MYRFL: variants seen among roughly 807,000 people sequenced by gnomAD.
The protein encoded by MYRFL is myelin regulatory factor like.
MYRFL carries 88 observed loss-of-function variants against 109.4 expected under a neutral mutation model. The observed-to-expected ratio is 0.80, with a 90% CI of 0.68 to 0.96. MYRFL has a LOEUF of 0.96. MYRFL is among the 40% of genes least tolerant of loss of function. MYRFL has a pLI of 0.00. For missense variants in MYRFL, 957 were observed against 954.9 expected, an observed-to-expected ratio of 1.00 and a Z score of -0.03; for synonymous variants, 324 against 320.9, an observed-to-expected ratio of 1.01 and a Z score of -0.10.
chr12:69,905,126 G>C (rs938557037), intron 11 of MYRFL, among the ~76,000 whole-genome samples: 2 of 152,178 alleles, frequency 1.3e-5, no homozygotes, highest in Non-Finnish European at 2.9e-5. Flanking sequence ...ACTTTAGAGA[G>C]AGATCATCTG....
intron 2 of MYRFL, among the ~76,000 whole-genome samples, chr12:69,861,149 G>T (rs915405134): frequency 6.6e-6 from 1 of 150,864 alleles, no homozygotes; most frequent in African/African-American, 2.4e-5. Flanking sequence ...GTCTATCATT[G>T]TTGGACATTT....
At position 69,917,244 on chromosome 12, in the gene MYRFL, T is replaced by A. The variant is rs138434734; in HGVS notation, c.1602+6314T>A. 1.6e-4 allele frequency among the ~76,000 whole-genome samples: 24 copies of A among 152,294 alleles called. 1 individual carries two copies. The East Asian group carries it at 4.4e-3, about 28-fold the overall frequency. On this transcript the variant is annotated intron_variant, in intron 13 of 24. Transcript: ENST00000552032. ...ATGTGTAGTGCCATTGCTCTAATTT[T>A]AAAAAGGGGCCTCCTCTGGCTGCTG...
intron 1 of MYRFL, among the ~76,000 whole-genome samples, chr12:69,842,008 A>T (rs1180441219): frequency 1.3e-4 from 20 of 152,204 alleles, no homozygotes; most frequent in Admixed American, 1.3e-3. Context: ...AGGCTAGCTA[A>T]CTTATCCTGG....
chr12:69,827,503 C>G (rs1882355926), intron 1 of MYRFL, among the ~76,000 whole-genome samples: 1 of 151,898 alleles, frequency 6.6e-6, no homozygotes, highest in Non-Finnish European at 1.5e-5. Context: ...AGAAGAGGCG[C>G]AATCAGGCAC....
chr12:69,860,275 T>A (rs1884562534), intron 2 of MYRFL, among the ~76,000 whole-genome samples: 1 of 152,224 alleles, frequency 6.6e-6, no homozygotes, highest in African/African-American at 2.4e-5. Context: ...GCAAAGGACA[T>A]GATCTCATTC....
intron 10 of MYRFL, among the ~76,000 whole-genome samples, chr12:69,897,576 TGA>T (rs971628238): frequency 2.0e-5 from 3 of 152,334 alleles, no homozygotes; most frequent in Admixed American, 6.5e-5. Context: ...GTGTTGAGGT[TGA>T]GAGACTCTGG....
At chr12:69,856,957 G>C (rs1355195505) in intron 2 of MYRFL, among the ~76,000 whole-genome samples, 1 of 151,834 alleles carries the variant, frequency 6.6e-6, no homozygotes, top group East Asian at 1.9e-4. Context: ...AAGAAGTATA[G>C]ACTTTACCTA....
At chr12:69,956,113 C>A (rs1956088577) in intron 22 of MYRFL, among the ~76,000 whole-genome samples, 1 of 151,900 alleles carries the variant, frequency 6.6e-6, no homozygotes, top group Non-Finnish European at 1.5e-5. Flanking sequence ...TCACAGCAAC[C>A]CTCCCAGGTT....
rs1181803257 is a variant in MYRFL, at chr12:69,927,768, A to G, written c.1830+20A>G. ...AACAAGGTAAATAGACACATTTACA[A>G]TGAAAGGAAATGATGTTTTCTACTT... On this transcript the variant is annotated intron_variant, in intron 15 of 24. Transcript: ENST00000552032. 2.7e-6 allele frequency: 4 copies of G among 1,504,530 alleles called. No homozygotes were observed. The highest frequency in any genetic ancestry group is 4.9e-5 in the East Asian group (2 of 40,772). The allele number at this position is 1,504,530 out of a possible 1,614,324, so 93.2% of individuals were successfully genotyped here. A position where few individuals can be genotyped will look rare whatever the true frequency, so the allele number is the denominator to read the frequency against.
chr12:69,877,942 T>A (rs1182519005), intron 2 of MYRFL, among the ~76,000 whole-genome samples: 1 of 152,208 alleles, frequency 6.6e-6, no homozygotes, highest in Non-Finnish European at 1.5e-5. Context: ...ACACATTTTT[T>A]TAAAAATAAA....
At chr12:69,952,690 T>G in intron 20 of MYRFL, 109 bp from the exon 21 acceptor site, 1 of 751,704 alleles carries the variant, frequency 1.3e-6, no homozygotes, top group Non-Finnish European at 2.1e-6. Context: ...TCTCTTGACC[T>G]GGGAAACTCT....
chr12:69,918,909 G>A (rs1281240998), intron 13 of MYRFL, among the ~76,000 whole-genome samples: 1 of 152,134 alleles, frequency 6.6e-6, no homozygotes, highest in Non-Finnish European at 1.5e-5. Context: ...TTAAGAGACT[G>A]ACAATTATTT....
At chr12:69,892,061 T>C (rs1357121813) in intron 7 of MYRFL, among the ~76,000 whole-genome samples, 1 of 152,240 alleles carries the variant, frequency 6.6e-6, no homozygotes, top group African/African-American at 2.4e-5. Context: ...TGAATACTCT[T>C]GCAATTCTTT....
intron 10 of MYRFL, among the ~76,000 whole-genome samples, chr12:69,897,717 A>G (rs1188434371): frequency 6.6e-6 from 1 of 152,212 alleles, no homozygotes; most frequent in Non-Finnish European, 1.5e-5. Context: ...TAACTAATCC[A>G]TGATCTCATG....
chr12:69,830,438 T>A (rs1882559973), intron 1 of MYRFL, among the ~76,000 whole-genome samples: 1 of 150,072 alleles, frequency 6.7e-6, no homozygotes, highest in Non-Finnish European at 1.5e-5. Flanking sequence ...ATATTATAGA[T>A]AATATAGAGA....
At chr12:69,952,056 GT>G in intron 19 of MYRFL, 56 bp from the exon 20 acceptor site, 1 of 1,459,244 alleles carries the variant, frequency 6.9e-7, no homozygotes. Flanking sequence ...CACACATGGG[GT>G]TTCTTCTCTT....
At chr12:69,843,141 A>G (rs1883341012) in intron 1 of MYRFL, among the ~76,000 whole-genome samples, 1 of 152,210 alleles carries the variant, frequency 6.6e-6, no homozygotes, top group Admixed American at 6.5e-5. Flanking sequence ...TATTCTAAGC[A>G]AATGAGAGAA....
At chr12:69,849,063 G>C (rs1883730771) in intron 1 of MYRFL, among the ~76,000 whole-genome samples, 1 of 152,100 alleles carries the variant, frequency 6.6e-6, no homozygotes, top group Non-Finnish European at 1.5e-5. Context: ...GTAGAGACAG[G>C]GTTTCACCAT....
At chr12:69,830,269 A>T (rs563239582) in intron 1 of MYRFL, among the ~76,000 whole-genome samples, 2 of 151,208 alleles carry the variant, frequency 1.3e-5, no homozygotes, top group Admixed American at 1.3e-4. Context: ...ATATACATAG[A>T]TATAGATATC....
Sources: gnomAD v4.1 joint callset for allele counts (sites outside exome capture counted in the v4.1 genomes callset) on GRCh38, gnomAD v4.1.1 for gene constraint, MANE v1.5 for transcripts, NCBI Gene and HGNC (gene_info 2026-07-23, HGNC 2026-07-21) for gene names.